Variants in PAPLN observed in about 807,000 individuals in gnomAD.
PAPLN encodes papilin, proteoglycan like sulfated glycoprotein, also known as papilin.
In PAPLN, 146 loss-of-function variants were observed where a neutral mutation model predicts 159.0. The ratio of observed to expected loss-of-function variants is 0.92; its 90% CI spans 0.80 to 1.05. The LOEUF (loss-of-function observed/expected upper bound fraction) is 1.05. PAPLN is among the 50% of genes least tolerant of loss of function. The pLI is 0.00. For missense variants in PAPLN, 1,720 were observed against 1,743.9 expected (o/e 0.99, Z 0.24); for synonymous variants, 734 against 702.9 (o/e 1.04, Z -0.70).
chr14:73,245,668 C>T lies in PAPLN; in HGVS notation c.203C>T (p.Ala68Val). The T allele has an allele frequency of 6.4e-7, 1 of 1,556,282 alleles. No individual in the cohort carries two copies. The highest frequency in any genetic ancestry group is 8.7e-7 in the Non-Finnish European group (1 of 1,152,900). ...RDGGSSCVGP[A>V]RSHRSCRTES... ...GGAGGCTCCAGCTGCGTGGGCCCCG[C>T]CCGGAGCCACCGCTCTTGTCGCACG... Residue 68 changes from alanine to valine, a missense_variant, in exon 4 of 27, where the codon GCC becomes GTC. By Grantham distance (64) the Ala-to-Val change is moderately conservative (BLOSUM62 0). Coordinates refer to ENST00000644200, the MANE Select transcript of PAPLN (RefSeq NM_001365906.3). The surrounding 1 kb of genome is among the most constrained non-coding windows in gnomAD (Gnocchi z 4.2).
intron 14 of PAPLN, among the ~76,000 whole-genome samples, chr14:73,257,819 A>G (rs1373145038): frequency 1.5e-5 from 2 of 129,810 alleles, no homozygotes; most frequent in African/African-American, 5.7e-5. Context: ...TTTGGAGTGC[A>G]GTGGCGCGAT....
intron 14 of PAPLN, 121 bp downstream of exon 14, chr14:73,255,139 C>T (rs61986934): frequency 0.12 from 156,693 of 1,346,236 alleles, 10,458 homozygotes; most frequent in Non-Finnish European, 0.14. Flanking sequence ...CTGGACCCCA[C>T]TTCTCCCATG....
chr14:73,263,614 AGTC>A lies in PAPLN; in HGVS notation c.2724-30_2724-28del, dbSNP rs1378603164. Reference sequence around the variant, plus strand: ...TGGTTCTGGTCCTGGCGCTCATGCCAGTCAGCAGATCTCACTTCCCACCTCTCC... The same window carrying A: ...TGGTTCTGGTCCTGGCGCTCATGCCAAGCAGATCTCACTTCCCACCTCTCC... On this transcript the variant is annotated intron_variant, in intron 19 of 26. Transcript: ENST00000644200. The A allele has an allele frequency of 3.7e-6, 6 of 1,613,132 alleles. No individual in the cohort carries two copies. In the Admixed American group the frequency reaches 1.0e-4, roughly 27 times the overall value.
chr14:73,255,838 C>T (rs1421406065), intron 14 of PAPLN, among the ~76,000 whole-genome samples: 1 of 152,200 alleles, frequency 6.6e-6, no homozygotes, highest in Non-Finnish European at 1.5e-5. Context: ...CAACAGCAGG[C>T]TTGGGTTCCG....
chr14:73,260,877 C>T, intron 17 of PAPLN, 48 bp downstream of exon 17: 1 of 1,491,826 alleles, frequency 6.7e-7, no homozygotes, highest in Non-Finnish European at 8.9e-7. Flanking sequence ...GCCCGTGAGC[C>T]TGCTCAGTGT....
At chr14:73,242,434 C>T (rs1470411713) in intron 2 of PAPLN, among the ~76,000 whole-genome samples, 18 of 152,198 alleles carry the variant, frequency 1.2e-4, no homozygotes, top group Non-Finnish European at 5.9e-5. Flanking sequence ...TCCAAACAGG[C>T]CTTAGTCAGA....
intron 9 of PAPLN, 46 bp from the exon 10 acceptor site, chr14:73,251,972 G>A: frequency 6.3e-7 from 1 of 1,577,630 alleles, no homozygotes; most frequent in Non-Finnish European, 8.6e-7. Flanking sequence ...GAGGGTGTGG[G>A]AGTGCTCCCC....
upstream of PAPLN, among the ~76,000 whole-genome samples, chr14:73,236,254 G>T (rs1413498365): frequency 6.6e-6 from 1 of 152,250 alleles, no homozygotes; most frequent in Non-Finnish European, 1.5e-5. Flanking sequence ...TTGAGCCCCT[G>T]CCTTGATGCT....
chr14:73,239,890 A>G (rs1566666673), intron 2 of PAPLN, 58 bp downstream of exon 2: 4 of 1,496,728 alleles, frequency 2.7e-6, no homozygotes, highest in Non-Finnish European at 3.5e-6. Flanking sequence ...GGGGGCGGGG[A>G]CGCGCGGGCC....
At chr14:73,260,852 G>A in intron 17 of PAPLN, 23 bp downstream of exon 17, 1 of 1,495,132 alleles carries the variant, frequency 6.7e-7, no homozygotes, top group Non-Finnish European at 8.9e-7. Flanking sequence ...CCTGGGGGAG[G>A]GGAGCAGGGG....
chr14:73,257,753 C>CTTTTT (rs562890068), intron 14 of PAPLN, among the ~76,000 whole-genome samples: 8 of 91,238 alleles, frequency 8.8e-5, no homozygotes, highest in African/African-American at 1.6e-4. Context: ...TCTCTTTCTT[C>CTTTTT]TTTTTTTTTT....
intron 26 of PAPLN, among the ~76,000 whole-genome samples, chr14:73,271,700 C>T (rs558229925): frequency 1.3e-5 from 2 of 152,246 alleles, no homozygotes; most frequent in African/African-American, 4.8e-5. Context: ...TGGGGTTTCA[C>T]CATATTGGCC....
chr14:73,238,669 C>G (rs1883217783), intron 1 of PAPLN, among the ~76,000 whole-genome samples: 1 of 152,238 alleles, frequency 6.6e-6, no homozygotes, highest in African/African-American at 2.4e-5. Flanking sequence ...GCAGCAACCC[C>G]CTTCCCTCAC....
intron 2 of PAPLN, among the ~76,000 whole-genome samples, chr14:73,241,746 C>T (rs1333940389): frequency 6.6e-6 from 1 of 152,246 alleles, no homozygotes; most frequent in Non-Finnish European, 1.5e-5. Context: ...ATCACTTATG[C>T]TGTCAGCGGT....
In PAPLN at chr14:73,245,616, C is replaced by A; in HGVS notation, c.171-20C>A. 1 of 1,553,466 alleles carries A rather than the reference C, an allele frequency of 6.4e-7. No individual in the cohort carries two copies. The highest frequency in any genetic ancestry group is 1.2e-5 in the South Asian group (1 of 84,366). Reference sequence around the variant, plus strand: ...GACGTTGGGTCTCGGTCAGGTCTTCCCGGTGCTCTGGTCCCGCAGGAGAGA... The same window carrying A: ...GACGTTGGGTCTCGGTCAGGTCTTCACGGTGCTCTGGTCCCGCAGGAGAGA... On this transcript the variant is annotated intron_variant, in intron 3 of 26. Coordinates refer to ENST00000644200, the MANE Select transcript of PAPLN (RefSeq NM_001365906.3). This position sits in a 1 kb window ranked among gnomAD's most constrained non-coding sequence, Gnocchi z 4.2.
In PAPLN at chr14:73,264,349, C is replaced by T. The variant is rs778266955; in HGVS notation, c.2986+14C>T. 1.2e-6 allele frequency: 2 copies of T among 1,609,092 alleles called. No individual in the cohort carries two copies. Among genetic ancestry groups the T allele is most frequent in the African/African-American group, 2.7e-5 (2 of 74,846 alleles). On this transcript the variant is annotated intron_variant, in intron 21 of 26. Transcript: ENST00000644200. ...TTCGCATCATAGGTCTCTGTCCCCACCCCATCCACCAGTGCGTTCTCAGGG... is the reference window on the plus strand; with the variant it reads ...TTCGCATCATAGGTCTCTGTCCCCATCCCATCCACCAGTGCGTTCTCAGGG...
chr14:73,239,041 T>G (rs1883255713), intron 1 of PAPLN, among the ~76,000 whole-genome samples: 1 of 152,202 alleles, frequency 6.6e-6, no homozygotes, highest in Non-Finnish European at 1.5e-5. Context: ...CACACCAGAC[T>G]GCACATGGAC....
chr14:73,253,776 C>T lies in PAPLN; in HGVS notation c.1117C>T (p.Pro373Ser), dbSNP rs1388547138. Residue 373 changes from proline to serine, a missense_variant, in exon 12 of 27, where the codon CCC (proline) becomes TCC (serine). Physicochemically the swap from Pro to Ser is moderately conservative, Grantham distance 74. Coordinates refer to ENST00000644200, the MANE Select transcript of PAPLN (RefSeq NM_001365906.3). ...CAGCTGGAAGGCAGGGCCATGGGCA[C>T]CCTGCTCAGCCTCCTGTGGAGGAGG... ...TKRWKAGPWAPCSASCGGGSQ... is the reference protein window; with the variant it reads ...TKRWKAGPWASCSASCGGGSQ... The T allele has an allele frequency of 1.2e-6, 2 of 1,601,636 alleles. No individual in the cohort carries two copies. Among genetic ancestry groups the T allele is most frequent in the Admixed American group, 1.7e-5 (1 of 59,590 alleles).
In PAPLN at chr14:73,264,234, C is replaced by T; in HGVS notation, c.2885C>T (p.Ser962Phe). ...SDRHRLQFDGSLIIHPLQAED... is the reference protein window; with the variant it reads ...SDRHRLQFDGFLIIHPLQAED... The stretch of plus-strand genomic sequence containing the variant: ...AGGCACAGGCTGCAGTTCGACGGAT[C>T]CCTGATCATCCACCCCCTGCAGGCA... The change falls in exon 21 of 27, where the codon TCC becomes TTC. Residue 962 changes from serine to phenylalanine, a missense_variant. Transcript: ENST00000644200. 6.2e-7 allele frequency: 1 copy of T among 1,613,938 alleles called. No individual in the cohort carries two copies. The highest frequency in any genetic ancestry group is 8.5e-7 in the Non-Finnish European group (1 of 1,180,006).
Sources: allele counts gnomAD v4.1 joint callset (sites outside exome capture counted in the v4.1 genomes callset), GRCh38; gene constraint gnomAD v4.1.1; non-coding constraint Gnocchi (gnomAD v3.1); transcripts MANE v1.5; gene names NCBI Gene and HGNC (gene_info 2026-07-23, HGNC 2026-07-21).